Variants in NFAM1 observed in about 807,000 individuals in gnomAD.
The protein encoded by NFAM1 is NFAT activation molecule 1.
A neutral mutation model predicts 29.0 loss-of-function variants in NFAM1; 17 were observed. The ratio of observed to expected loss-of-function variants is 0.59; its 90% CI spans 0.40 to 0.88. The LOEUF is 0.88. Among genes scored for constraint, NFAM1 ranks in the 40% least tolerant of loss-of-function variants. NFAM1 has a pLI of 0.00. For synonymous variants in NFAM1, 175 were observed against 147.2 expected, an observed-to-expected ratio of 1.19 and a Z score of -1.36; for missense variants, 324 against 344.6, an observed-to-expected ratio of 0.94 and a Z score of 0.47.
chr22:42,411,682 G>T lies in NFAM1; in HGVS notation c.176C>A (p.Thr59Lys). 1 of 1,614,094 alleles carries T rather than the reference G, an allele frequency of 6.2e-7. No individual in the cohort carries two copies. Among genetic ancestry groups the T allele is most frequent in the Non-Finnish European group, 8.5e-7 (1 of 1,179,928 alleles). ...GLPIMASLAN[T>K]AISFSCRITY... ...GATCCTGCAGCTGAAGGAGATAGCT[G>T]TGTTGGCCAGGGAGGCCATGATGGG... The change falls in exon 2 of 6, where the codon ACA becomes AAA. Residue 59 changes from threonine (T) to lysine (K), a missense_variant. By Grantham distance (78) the Thr-to-Lys change is moderately conservative. Coordinates refer to ENST00000329021, the MANE Select transcript of NFAM1 (RefSeq NM_145912.8).
At chr22:42,414,823 T>G (rs991303535) in intron 1 of NFAM1, among the ~76,000 whole-genome samples, 7 of 152,070 alleles carry the variant, frequency 4.6e-5, no homozygotes, top group African/African-American at 1.7e-4. Flanking sequence ...CCTTCCTGCT[T>G]GTCCTGGGCA....
chr22:42,394,954 C>CA (rs952368061), intron 4 of NFAM1, among the ~76,000 whole-genome samples: 1 of 151,808 alleles, frequency 6.6e-6, no homozygotes, highest in Non-Finnish European at 1.5e-5. Flanking sequence ...CTTGTCTCTA[C>CA]AAAAAATTAA....
chr22:42,427,979 C>T (rs1930677182), intron 1 of NFAM1, among the ~76,000 whole-genome samples: 1 of 152,208 alleles, frequency 6.6e-6, no homozygotes, highest in South Asian at 2.1e-4. Flanking sequence ...GTGAGAGTCA[C>T]ACAGGACTTT....
At chr22:42,432,575 G>A (rs983299089), upstream of NFAM1, among the ~76,000 whole-genome samples, 11 of 152,166 alleles carry the variant, frequency 7.2e-5, no homozygotes, top group African/African-American at 1.7e-4. Flanking sequence ...AGCTGGAGAC[G>A]GGACCCAAGC....
chr22:42,437,585 C>A, the NFAM1 span, among the ~76,000 whole-genome samples: 1 of 152,206 alleles, frequency 6.6e-6, no homozygotes, highest in Admixed American at 6.5e-5. Flanking sequence ...CCAAGTCCCC[C>A]ACTAACGGTG....
At chr22:42,423,955 T>A (rs1215378661) in intron 1 of NFAM1, among the ~76,000 whole-genome samples, 1 of 151,912 alleles carries the variant, frequency 6.6e-6, no homozygotes, top group Non-Finnish European at 1.5e-5. Flanking sequence ...CCTGACCTCA[T>A]GACCTCACCA....
At position 42,398,553 on chromosome 22, in the gene NFAM1, C is replaced by T. The variant is rs112411741; in HGVS notation, c.565-597G>A. 3.2e-4 allele frequency among the ~76,000 whole-genome samples: 49 copies of T among 152,056 alleles called. No individual in the cohort carries two copies. The East Asian group carries it at 7.3e-3, about 23-fold the overall frequency. ...TCAGCCTCCTGAGCAGCTGGGACTACGGGCATGTGTGCCACCACGCCCGGC... is the reference window on the plus strand; with the variant it reads ...TCAGCCTCCTGAGCAGCTGGGACTATGGGCATGTGTGCCACCACGCCCGGC... On this transcript the variant is annotated intron_variant, in intron 3 of 5. Transcript: ENST00000329021.
intron 3 of NFAM1, among the ~76,000 whole-genome samples, chr22:42,399,603 C>T (rs910535140): frequency 4.6e-5 from 7 of 152,064 alleles, no homozygotes; most frequent in Admixed American, 2.0e-4. Flanking sequence ...GAAGTGGGAG[C>T]GCCAGGGTCA....
rs6002726 is a variant in NFAM1 at position 42,412,726 on chromosome 22, C to T, written c.122-990G>A. ...CCAAAGTAAGGAGGCATTCAGGCAGCGGGAGACACAAACCTCTCCCGGACT... is the reference window on the plus strand; with the variant it reads ...CCAAAGTAAGGAGGCATTCAGGCAGTGGGAGACACAAACCTCTCCCGGACT... On this transcript the variant is annotated intron_variant, in intron 1 of 5. Coordinates refer to ENST00000329021, the MANE Select transcript of NFAM1 (RefSeq NM_145912.8). 1.8e-3 allele frequency among the ~76,000 whole-genome samples: 271 copies of T among 152,326 alleles called. 1 individual carries two copies. Among genetic ancestry groups the T allele is most frequent in the African/African-American group, 6.2e-3 (259 of 41,558 alleles).
rs192524828 is a variant in NFAM1, at chr22:42,412,979, G to A, written c.122-1243C>T. ...CCCAAAGCAGCAGCCCTGCCTGGGG[G>A]GCTCTAACCCCTGCTGCAGGCCTCT... On this transcript the variant is annotated intron_variant, in intron 1 of 5. Coordinates refer to ENST00000329021, the MANE Select transcript of NFAM1 (RefSeq NM_145912.8). Among the ~76,000 whole-genome samples the A allele has an allele frequency of 2.3e-4, 35 of 152,196 alleles. No individual in the cohort carries two copies. In the East Asian group the frequency reaches 6.6e-3, roughly 29 times the overall value.
At chr22:42,423,195 C>CAAAG (rs1310076230) in intron 1 of NFAM1, among the ~76,000 whole-genome samples, 1 of 151,080 alleles carries the variant, frequency 6.6e-6, no homozygotes, top group Non-Finnish European at 1.5e-5. Context: ...TTTGTTCACC[C>CAAAG]AAAGTCTCAC....
At position 42,384,996 on chromosome 22, in the gene NFAM1, G is replaced by C. The variant is rs573487149; in HGVS notation, c.*165C>G. 8.7e-6 allele frequency: 6 copies of C among 690,250 alleles called. No homozygotes were observed. The highest frequency in any genetic ancestry group is 4.9e-5 in the South Asian group (3 of 61,398). The allele number at this position is 690,250 out of a possible 1,614,324, so 42.8% of individuals were successfully genotyped here. On this transcript the variant is annotated 3_prime_UTR_variant, in exon 6 of 6. Transcript: ENST00000329021. ...AGCCTTGGTGGTTGGGGCATAGAAT[G>C]GGGGGGCAGTGGGGCCGGCCAAGAC...
chr22:42,394,229 G>T (rs1409090473), intron 4 of NFAM1, among the ~76,000 whole-genome samples: 1 of 151,880 alleles, frequency 6.6e-6, no homozygotes, highest in Non-Finnish European at 1.5e-5. Context: ...GTAGAGATGG[G>T]GTTTCTCCAT....
chr22:42,419,993 T>TTTG lies in NFAM1; in HGVS notation c.122-8258_122-8257insCAA. Among the ~76,000 whole-genome samples the TTTG allele has an allele frequency of 6.2e-5, 1 of 16,084 alleles. No individual in the cohort carries two copies. Among genetic ancestry groups the TTTG allele is most frequent in the South Asian group, 2.9e-3 (1 of 348 alleles). 10.6% of individuals were successfully genotyped at this position (16,084 alleles called of 152,430 possible). A position where few individuals can be genotyped will look rare whatever the true frequency, so the allele number is the denominator to read the frequency against. The stretch of plus-strand genomic sequence containing the variant: ...TGAGTCTGTAATCCCACTCTTGGTT[T>TTTG]TTTTTTTTTTTTTTTTTTTTTTTTT... On this transcript the variant is annotated intron_variant, in intron 1 of 5. Transcript: ENST00000329021. This position sits in a 1 kb window ranked among gnomAD's most constrained non-coding sequence, Gnocchi z 4.5.
chr22:42,414,168 G>A (rs570816670), intron 1 of NFAM1, among the ~76,000 whole-genome samples: 22 of 152,284 alleles, frequency 1.4e-4, no homozygotes, highest in Non-Finnish European at 2.2e-4. Context: ...CAGTGGGTTC[G>A]ACTTGTAATT....
chr22:42,406,572 C>T (rs1302574385), intron 3 of NFAM1, among the ~76,000 whole-genome samples: 1 of 152,146 alleles, frequency 6.6e-6, no homozygotes, highest in Admixed American at 6.6e-5. Context: ...CCACTATTCT[C>T]CCACTGGCAC....
At chr22:42,386,511 G>C (rs1601731293) in intron 5 of NFAM1, among the ~76,000 whole-genome samples, 1 of 151,828 alleles carries the variant, frequency 6.6e-6, no homozygotes, top group Non-Finnish European at 1.5e-5. Flanking sequence ...ACCCTGACCA[G>C]GCCAGCCCAG....
intron 1 of NFAM1, among the ~76,000 whole-genome samples, chr22:42,424,911 G>GTATTTATT (rs67558344): frequency 0.15 from 22,622 of 147,780 alleles, 1,901 homozygotes; most frequent in South Asian, 0.29. Flanking sequence ...CTTTCTTTTC[G>GTATTTATT]TATTTATTTA....
chr22:42,399,228 C>T (rs915830339), intron 3 of NFAM1, among the ~76,000 whole-genome samples: 1 of 151,834 alleles, frequency 6.6e-6, no homozygotes, highest in East Asian at 1.9e-4. Flanking sequence ...GGGTGGATCA[C>T]CTGAGATCAG....
Sources: gnomAD v4.1 joint callset for allele counts (sites outside exome capture counted in the v4.1 genomes callset) on GRCh38, gnomAD v4.1.1 for gene constraint, Gnocchi (gnomAD v3.1) non-coding constraint, MANE v1.5 for transcripts, NCBI Gene and HGNC (gene_info 2026-07-23, HGNC 2026-07-21) for gene names.